Variants in EWSR1 observed in about 807,000 individuals in gnomAD.
The protein encoded by EWSR1 is RNA-binding protein EWS.
In EWSR1, 14 loss-of-function variants were observed where a neutral mutation model predicts 92.1. The observed-to-expected ratio is 0.15, with a 90% CI of 0.10 to 0.24. The LOEUF is 0.24. Ranked by LOEUF, EWSR1 falls within the 10% of genes least tolerant of loss-of-function variation. EWSR1 has a pLI of 1.00. For synonymous variants in EWSR1, 303 were observed against 292.9 expected (o/e 1.03, Z -0.35); for missense variants, 637 against 870.9 (o/e 0.73, Z 3.38).
chr22:29,290,573 T>A, intron 8 of EWSR1: 1 of 1,536,404 alleles, frequency 6.5e-7, no homozygotes, highest in Non-Finnish European at 8.8e-7. Flanking sequence ...ATTGTATAAA[T>A]GGAATCCTTC....
chr22:29,278,973 C>T (rs1228006463), intron 5 of EWSR1, among the ~76,000 whole-genome samples: 1 of 149,376 alleles, frequency 6.7e-6, no homozygotes, highest in Non-Finnish European at 1.5e-5. Context: ...CTAGCCTGGG[C>T]GACAGAGGAA....
intron 5 of EWSR1, among the ~76,000 whole-genome samples, chr22:29,279,539 CAA>C (rs1302816492): frequency 6.6e-6 from 1 of 152,228 alleles, no homozygotes; most frequent in Non-Finnish European, 1.5e-5. Context: ...TATTACTTAA[CAA>C]AAGATTTTAG....
At chr22:29,276,130 GT>G in intron 4 of EWSR1, 1 of 231,452 alleles carries the variant, frequency 4.3e-6, no homozygotes, top group Non-Finnish European at 8.5e-6. Context: ...ATCACTTTTA[GT>G]TTTTTGTTTT....
rs746149129 is a variant in EWSR1 at position 29,297,791 on chromosome 22, C to T, written c.1295-36C>T. On this transcript the variant is annotated intron_variant, in intron 12 of 16. Coordinates refer to ENST00000397938, the MANE Select transcript of EWSR1 (RefSeq NM_005243.4). ...ATGTGGAGTTGGTGAACAGGGAGTA[C>T]AGGGGAGTAATTGATGTTCTGTTGT... The T allele has an allele frequency of 5.0e-6, 8 of 1,611,532 alleles. No individual in the cohort carries two copies. In the East Asian group the frequency reaches 1.6e-4, roughly 31 times the overall value.
chr22:29,283,053 C>T (rs1379667473), intron 6 of EWSR1, among the ~76,000 whole-genome samples: 1 of 152,206 alleles, frequency 6.6e-6, no homozygotes, highest in Non-Finnish European at 1.5e-5. Flanking sequence ...TGAGCCACCG[C>T]ACCCGGCCCA....
intron 10 of EWSR1, 53 bp from the exon 11 acceptor site, chr22:29,292,435 G>T: frequency 4.8e-6 from 6 of 1,238,574 alleles, no homozygotes; most frequent in Non-Finnish European, 7.1e-6. Flanking sequence ...AGGTAGTTAA[G>T]AAACCCCTAT....
rs180973800 is a variant in EWSR1 at position 29,287,046 on chromosome 22, G to A, written c.705G>A (p.Gln235=). Residue 235 remains glutamine (Q), a synonymous_variant, in exon 7 of 17, where the codon CAG becomes CAA. Coordinates refer to ENST00000397938, the MANE Select transcript of EWSR1 (RefSeq NM_005243.4). Reference sequence around the variant, plus strand: ...GTCAACAAAGCAGCTATGGGCAGCAGCCTCCCACTAGTTACCCACCCCAAA... The same window carrying A: ...GTCAACAAAGCAGCTATGGGCAGCAACCTCCCACTAGTTACCCACCCCAAA... ...SYGQQSSYGQ[Q]PPTSYPPQTG... is the part of the protein sequence containing the mutation. 5.6e-4 allele frequency: 898 copies of A among 1,613,994 alleles called. No individual in the cohort carries two copies. The highest frequency in any genetic ancestry group is 6.2e-4 in the Non-Finnish European group (736 of 1,179,884).
intron 6 of EWSR1, among the ~76,000 whole-genome samples, chr22:29,284,611 G>A (rs546856653): frequency 6.6e-6 from 1 of 151,272 alleles, no homozygotes; most frequent in East Asian, 1.9e-4. Flanking sequence ...GAGGGATGTG[G>A]TGTGTTAGAA....
At chr22:29,273,042 T>G (rs1482601190) in intron 3 of EWSR1, among the ~76,000 whole-genome samples, 1 of 152,242 alleles carries the variant, frequency 6.6e-6, no homozygotes, top group African/African-American at 2.4e-5. Flanking sequence ...GAATGTGATG[T>G]CTCTGGCAGA....
At chr22:29,298,145 T>G (rs1015653823) in intron 13 of EWSR1, among the ~76,000 whole-genome samples, 196 bp downstream of exon 13, 3 of 152,196 alleles carry the variant, frequency 2.0e-5, no homozygotes, top group Non-Finnish European at 2.9e-5. Context: ...ACTCTGCCTG[T>G]CAACTCCAGA....
At chr22:29,297,269 G>C (rs1404129927) in intron 12 of EWSR1, among the ~76,000 whole-genome samples, 1 of 152,204 alleles carries the variant, frequency 6.6e-6, no homozygotes, top group Non-Finnish European at 1.5e-5. Flanking sequence ...TTGTGCGTCA[G>C]CCACTCGAGT....
At position 29,292,121 on chromosome 22, in the gene EWSR1, C is replaced by T; in HGVS notation, c.1013-16C>T. The stretch of plus-strand genomic sequence containing the variant: ...GTGCACTAATAATATTTTATATGAT[C>T]TTTCCTGGTTGGCAGGACCCATGGA... On this transcript the variant is annotated splice_polypyrimidine_tract_variant and intron_variant, in intron 9 of 16. Coordinates refer to ENST00000397938, the MANE Select transcript of EWSR1 (RefSeq NM_005243.4). 1.2e-6 allele frequency: 2 copies of T among 1,612,854 alleles called. No homozygotes were observed. The highest frequency in any genetic ancestry group is 1.1e-5 in the South Asian group (1 of 91,054).
At chr22:29,291,112 T>C in intron 8 of EWSR1, 1 of 239,410 alleles carries the variant, frequency 4.2e-6, no homozygotes, top group Non-Finnish European at 8.2e-6. Context: ...TTTATTATAC[T>C]GTGACTTGTT....
At chr22:29,268,844 G>GGGGT (rs2058380329) in intron 1 of EWSR1, among the ~76,000 whole-genome samples, 3 of 152,254 alleles carry the variant, frequency 2.0e-5, no homozygotes, top group Admixed American at 2.0e-4. Flanking sequence ...TGTGGGCCGA[G>GGGGT]GGGTGCCGGC....
At chr22:29,288,986 G>GT in intron 8 of EWSR1, 200 bp downstream of exon 8, 1 of 539,392 alleles carries the variant, frequency 1.9e-6, no homozygotes, top group Non-Finnish European at 3.1e-6. Flanking sequence ...TTCCCTGCCA[G>GT]TATACTTCGT....
chr22:29,274,197 AAC>A, intron 4 of EWSR1: 1 of 1,553,186 alleles, frequency 6.4e-7, no homozygotes, highest in Non-Finnish European at 8.9e-7. Flanking sequence ...TTAAAAATCA[AAC>A]TGGTTTTCAC....
rs2061195347 is a variant in EWSR1, at chr22:29,299,791, C to T, written c.1871C>T (p.Pro624Leu). The stretch of plus-strand genomic sequence containing the variant: ...GGTGGCCCTGGGGGGCCCCCTGGAC[C>T]TTTGATGGAACAGATGGGAGGAAGA... ...RRGGPGGPPG[P>L]LMEQMGGRRG... Residue 624 changes from proline (P) to leucine (L), a missense_variant, in exon 16 of 17, where the codon CCT (proline) becomes CTT (leucine). Transcript: ENST00000397938. 2 of 1,591,648 alleles carry T rather than the reference C, an allele frequency of 1.3e-6. No homozygotes were observed. Among genetic ancestry groups the T allele is most frequent in the Non-Finnish European group, 1.7e-6 (2 of 1,166,442 alleles).
At chr22:29,279,108 A>G (rs16987359) in intron 5 of EWSR1, among the ~76,000 whole-genome samples, 2,672 of 152,258 alleles carry the variant, frequency 0.018, 61 homozygotes, top group African/African-American at 0.061. Context: ...TATTGTTTTT[A>G]AACCCAGAAG....
intron 8 of EWSR1, chr22:29,291,236 C>T (rs1375873352): frequency 1.2e-5 from 4 of 326,522 alleles, no homozygotes; most frequent in South Asian, 1.1e-4. Context: ...CCCCTCTATA[C>T]CAAGCTCTTC....
Sources: gnomAD v4.1 joint callset for allele counts (sites outside exome capture counted in the v4.1 genomes callset) on GRCh38, gnomAD v4.1.1 for gene constraint, MANE v1.5 for transcripts, NCBI Gene and HGNC (gene_info 2026-07-23, HGNC 2026-07-21) for gene names.